Variants in PDE8B observed in about 807,000 individuals in gnomAD.
The protein encoded by PDE8B is high affinity cAMP-specific and IBMX-insensitive 3',5'-cyclic phosphodiesterase 8B.
A neutral mutation model predicts 101.3 loss-of-function variants in PDE8B; 26 were observed. That is an observed-to-expected ratio of 0.26 (90% CI 0.19 to 0.36). The LOEUF (loss-of-function observed/expected upper bound fraction) is 0.36, where lower values mean the gene tolerates loss of function less well. PDE8B is among the 10% of genes least tolerant of loss of function. The pLI is 1.00. For synonymous variants in PDE8B, 424 were observed against 429.3 expected (o/e 0.99, Z 0.15); for missense variants, 810 against 1,163.1 (o/e 0.70, Z 4.42).
At chr5:77,145,712 A>T in the PDE8B span, 1 of 152,240 alleles carries the variant, frequency 6.6e-6, no homozygotes, top group African/African-American at 2.4e-5. Flanking sequence ...AGACCCACAA[A>T]GTATTTAAGA....
intron 6 of PDE8B, among the ~76,000 whole-genome samples, chr5:77,340,323 A>G (rs549399288): frequency 1.3e-5 from 2 of 152,302 alleles, no homozygotes; most frequent in African/African-American, 2.4e-5. Flanking sequence ...ATTAACAGAC[A>G]TTTGTAGAGC....
chr5:77,233,654 CTGTGTGTGTGTGTGTGTGTGTG>C (rs72346580), intron 1 of PDE8B, among the ~76,000 whole-genome samples: 3 of 138,238 alleles, frequency 2.2e-5, no homozygotes, highest in Admixed American at 7.1e-5. Flanking sequence ...CCCTGAAGCT[CTGTGTGTGTGTGTGTGTGTGTG>C]TGTGTGTGTG....
Position 77,426,583 on chromosome 5 carries a change from C to T in PDE8B, c.*29C>T, listed in dbSNP as rs375563496. 99 of 1,127,518 alleles carry T rather than the reference C, an allele frequency of 8.8e-5. No homozygotes were observed. Among genetic ancestry groups the T allele is most frequent in the East Asian group, 8.0e-4 (34 of 42,576 alleles). 69.8% of individuals were successfully genotyped at this position (1,127,518 alleles called of 1,614,324 possible). ...CAAGCCACAGAGGGGGCCTCTTGAC[C>T]GACAAAGGACACTGTGAATCACAGT... is the stretch of plus-strand genomic sequence containing the variant. On this transcript the variant is annotated 3_prime_UTR_variant, in exon 22 of 22. Transcript: ENST00000264917.
At chr5:77,274,451 A>G (rs1239991939) in intron 1 of PDE8B, among the ~76,000 whole-genome samples, 3 of 152,174 alleles carry the variant, frequency 2.0e-5, no homozygotes, top group Non-Finnish European at 2.9e-5. Context: ...TGACATATTC[A>G]TTCATTCCAC....
rs1580335398 is a variant in PDE8B, at chr5:77,211,592, T to C, written c.339+328T>C. 6.6e-6 allele frequency among the ~76,000 whole-genome samples: 1 copy of C among 151,950 alleles called. No individual in the cohort carries two copies. The highest frequency in any genetic ancestry group is 1.5e-5 in the Non-Finnish European group (1 of 67,992). On this transcript the variant is annotated intron_variant, in intron 1 of 21. Coordinates refer to ENST00000264917, the MANE Select transcript of PDE8B (RefSeq NM_003719.5). This position sits in a 1 kb window ranked among gnomAD's most constrained non-coding sequence, Gnocchi z 4.1. ...GGCTTGGTTTATGCAGGAAGAGGGG[T>C]GGGGACCATTGAGAGCATTCGGTGG...
intron 10 of PDE8B, among the ~76,000 whole-genome samples, chr5:77,388,980 C>T (rs542494291): frequency 1.3e-5 from 2 of 152,272 alleles, no homozygotes; most frequent in East Asian, 3.9e-4. Flanking sequence ...GCGAGAATTT[C>T]AGGCCAGTGG....
chr5:77,142,091 G>A, the PDE8B span: 4 of 152,276 alleles, frequency 2.6e-5, no homozygotes, highest in African/African-American at 4.8e-5. Context: ...ATATATGTAT[G>A]TAAAATTATT....
the PDE8B span, among the ~76,000 whole-genome samples, chr5:77,150,443 T>G: frequency 4.9e-4 from 75 of 152,144 alleles, no homozygotes; most frequent in Non-Finnish European, 8.8e-4. Context: ...TTCCCTTCAC[T>G]TCTGTTTCCT....
At chr5:77,338,321 A>G (rs1489476735) in intron 6 of PDE8B, among the ~76,000 whole-genome samples, 2 of 152,218 alleles carry the variant, frequency 1.3e-5, no homozygotes, top group African/African-American at 4.8e-5. Flanking sequence ...ACATAAACCC[A>G]GAGAAGCAGG....
At chr5:77,301,614 C>G (rs1769957638) in intron 1 of PDE8B, among the ~76,000 whole-genome samples, 1 of 152,196 alleles carries the variant, frequency 6.6e-6, no homozygotes. Flanking sequence ...TTGAAGTCAT[C>G]CGGCAGTGTC....
chr5:77,164,133 G>A, the PDE8B span, among the ~76,000 whole-genome samples: 31 of 152,326 alleles, frequency 2.0e-4, no homozygotes, highest in Admixed American at 7.8e-4. Context: ...GTTGACTTGA[G>A]GTTAAAATAA....
chr5:77,309,463 T>C (rs1468242700), intron 1 of PDE8B, among the ~76,000 whole-genome samples: 1 of 152,136 alleles, frequency 6.6e-6, no homozygotes, highest in East Asian at 1.9e-4. Context: ...TGCCACTGAG[T>C]GACTCTTTTA....
intron 19 of PDE8B, among the ~76,000 whole-genome samples, chr5:77,420,496 C>G (rs1229769172): frequency 1.3e-5 from 2 of 152,080 alleles, no homozygotes; most frequent in African/African-American, 4.8e-5. Context: ...CTGTTCATAA[C>G]CCCATAAAGG....
At chr5:77,253,514 T>C (rs934636505) in intron 1 of PDE8B, among the ~76,000 whole-genome samples, 1 of 152,178 alleles carries the variant, frequency 6.6e-6, no homozygotes, top group Non-Finnish European at 1.5e-5. Context: ...ACCTTTGAAA[T>C]ATGAGAGAAA....
rs71594634 is a variant in PDE8B, at chr5:77,423,632, G to GTTTTTTTTTT, written c.2418+1662_2418+1671dup. On this transcript the variant is annotated intron_variant, in intron 20 of 21. Transcript: ENST00000264917. ...TGATGCTGGACTTTTGTTTTGTTTA[G>GTTTTTTTTTT]TTTTTTTTTTTTTTTTTTTTTTTTT... Among the ~76,000 whole-genome samples the GTTTTTTTTTT allele has an allele frequency of 2.8e-3, 209 of 74,010 alleles. 37 individuals are homozygous for GTTTTTTTTTT. Among genetic ancestry groups the GTTTTTTTTTT allele is most frequent in the Non-Finnish European group, 4.1e-3 (157 of 38,386 alleles). The allele number at this position is 74,010 out of a possible 152,430, so 48.6% of individuals were successfully genotyped here. A position where few individuals can be genotyped will look rare whatever the true frequency, so the allele number is the denominator to read the frequency against.
chr5:77,150,261 G>A, the PDE8B span, among the ~76,000 whole-genome samples: 14 of 152,114 alleles, frequency 9.2e-5, no homozygotes, highest in East Asian at 5.8e-4. Flanking sequence ...GCCCTCAGTC[G>A]ATGGGAACAG....
At chr5:77,159,317 G>A in the PDE8B span, among the ~76,000 whole-genome samples, 1 of 152,050 alleles carries the variant, frequency 6.6e-6, no homozygotes, top group Non-Finnish European at 1.5e-5. Flanking sequence ...GGTGGGCTGC[G>A]GGAGGCAGAT....
intron 1 of PDE8B, among the ~76,000 whole-genome samples, chr5:77,259,572 C>G (rs920607381): frequency 1.3e-5 from 2 of 152,202 alleles, no homozygotes; most frequent in Non-Finnish European, 2.9e-5. Flanking sequence ...AGTTCCCTTG[C>G]TACTGCCCTC....
chr5:77,235,913 A>G (rs1288124037), intron 1 of PDE8B, among the ~76,000 whole-genome samples: 1 of 152,162 alleles, frequency 6.6e-6, no homozygotes, highest in East Asian at 1.9e-4. Flanking sequence ...TTTGGTTGGT[A>G]CTATAATTAT....
Sources: gnomAD v4.1 joint callset for allele counts (sites outside exome capture counted in the v4.1 genomes callset) on GRCh38, gnomAD v4.1.1 for gene constraint, Gnocchi (gnomAD v3.1) non-coding constraint, MANE v1.5 for transcripts, NCBI Gene and HGNC (gene_info 2026-07-23, HGNC 2026-07-21) for gene names.